Variants in MAP2 observed in about 807,000 individuals in gnomAD.
MAP2 encodes microtubule associated protein 2.
Under a neutral mutation model 137.6 loss-of-function variants are expected in MAP2, and 14 were observed. That is an observed-to-expected ratio of 0.10 (90% CI 0.07 to 0.16). The LOEUF (loss-of-function observed/expected upper bound fraction) is 0.16. MAP2 is among the 10% of genes least tolerant of loss of function. The pLI, the probability that MAP2 is intolerant of heterozygous loss-of-function variation, is 1.00. For synonymous variants in MAP2, 786 were observed against 782.3 expected (o/e 1.00, Z -0.08); for missense variants, 2,088 against 2,191.5 (o/e 0.95, Z 0.94).
chr2:209,683,893 C>T (rs1202376324), intron 7 of MAP2, among the ~76,000 whole-genome samples: 1 of 151,936 alleles, frequency 6.6e-6, no homozygotes, highest in East Asian at 1.9e-4. Flanking sequence ...GCTGTTCTTT[C>T]CCAAAGGGGA....
At chr2:209,558,316 G>C (rs1026834953) in intron 2 of MAP2, among the ~76,000 whole-genome samples, 2 of 152,014 alleles carry the variant, frequency 1.3e-5, no homozygotes. Flanking sequence ...AGCCTCCCAA[G>C]TAGTTGGGAT....
chr2:209,697,844 T>C (rs2060628642), intron 10 of MAP2, among the ~76,000 whole-genome samples: 1 of 152,152 alleles, frequency 6.6e-6, no homozygotes, highest in South Asian at 2.1e-4. Context: ...TTTACTTTGC[T>C]GTCTACTTTT....
At chr2:209,610,863 G>A (rs1367055761) in intron 3 of MAP2, among the ~76,000 whole-genome samples, 2 of 152,140 alleles carry the variant, frequency 1.3e-5, no homozygotes, top group Admixed American at 6.6e-5. Context: ...TGACTTGAGA[G>A]CCATTCCTCT....
At chr2:209,689,691 A>T (rs1048095852) in intron 7 of MAP2, among the ~76,000 whole-genome samples, 1 of 152,044 alleles carries the variant, frequency 6.6e-6, no homozygotes, top group Admixed American at 6.6e-5. Context: ...TTCCTTGGTG[A>T]TTTTGTTTTG....
At position 209,731,908 on chromosome 2, in the gene MAP2, T is replaced by TAC. The variant is rs2075827837; in HGVS notation, c.*1512_*1513insCA. On this transcript the variant is annotated 3_prime_UTR_variant, in exon 16 of 16. Transcript: ENST00000682079. The stretch of plus-strand genomic sequence containing the variant: ...TAACACACTGTGATCTAGTATTATT[T>TAC]ATCAGTAGATAATACTGTTCTGACT... The TAC allele has an allele frequency of 1.3e-5, 2 of 152,200 alleles. No individual in the cohort carries two copies. The highest frequency in any genetic ancestry group is 2.4e-5 in the African/African-American group (1 of 41,442). The allele number at this position is 152,200 out of a possible 1,614,324, so 9.4% of individuals were successfully genotyped here.
chr2:209,524,578 G>A (rs2063753353), intron 2 of MAP2, among the ~76,000 whole-genome samples: 1 of 151,932 alleles, frequency 6.6e-6, no homozygotes, highest in Non-Finnish European at 1.5e-5. Flanking sequence ...TATGTTACCA[G>A]GTAATATATG....
In MAP2 at chr2:209,434,858, A is replaced by ATGT. The variant is rs1348601125; in HGVS notation, c.-222+10583_-222+10584insGTT. Reference sequence around the variant, plus strand: ...CTATATATATATATATGTTATATATATATGTTATATATATGTTATATATAT... The same window carrying ATGT: ...CTATATATATATATATGTTATATATATGTTATGTTATATATATGTTATATATAT... On this transcript the variant is annotated intron_variant, in intron 1 of 15. Transcript: ENST00000682079. Among the ~76,000 whole-genome samples the ATGT allele has an allele frequency of 5.8e-4, 65 of 112,150 alleles. 1 individual carries two copies. The highest frequency in any genetic ancestry group is 2.1e-3 in the African/African-American group (64 of 30,404). The allele number at this position is 112,150 out of a possible 152,430, so 73.6% of individuals were successfully genotyped here. A position where few individuals can be genotyped will look rare whatever the true frequency, so the allele number is the denominator to read the frequency against.
rs181339078 is a variant in MAP2, at chr2:209,576,812, T to A, written c.-171-3224T>A. ...ATCTCAATTGTCGGTTGTCTTGTAT[T>A]CTTAGAATATGACATACCTAAGGGC... On this transcript the variant is annotated intron_variant, in intron 2 of 15. Coordinates refer to ENST00000682079, the MANE Select transcript of MAP2 (RefSeq NM_001375505.1). Among the ~76,000 whole-genome samples, 310 of 152,338 alleles carry A rather than the reference T, an allele frequency of 2.0e-3. 3 individuals carry two copies. Among genetic ancestry groups the A allele is most frequent in the Middle Eastern group, 0.01 (3 of 294 alleles).
At chr2:209,477,231 A>G (rs1707478295) in intron 1 of MAP2, among the ~76,000 whole-genome samples, 1 of 152,190 alleles carries the variant, frequency 6.6e-6, no homozygotes, top group South Asian at 2.1e-4. Context: ...ACAAAAAATT[A>G]ACGATGGAAT....
At chr2:209,684,896 C>G (rs148366782) in intron 7 of MAP2, among the ~76,000 whole-genome samples, 22 of 152,248 alleles carry the variant, frequency 1.4e-4, no homozygotes, top group African/African-American at 5.3e-4. Flanking sequence ...ATATATCTCT[C>G]AACTCCAACT....
intron 13 of MAP2, among the ~76,000 whole-genome samples, chr2:209,714,653 C>A (rs998533391): frequency 2.6e-5 from 4 of 152,152 alleles, no homozygotes; most frequent in African/African-American, 7.2e-5. Flanking sequence ...ATCTTAGTTT[C>A]TATATCTCAG....
At chr2:209,492,474 C>T (rs1341018612) in intron 1 of MAP2, among the ~76,000 whole-genome samples, 20 of 152,130 alleles carry the variant, frequency 1.3e-4, no homozygotes, top group Admixed American at 1.3e-3. Flanking sequence ...AAAGGGTATT[C>T]ACTTAAGAAT....
intron 6 of MAP2, 126 bp from the exon 7 acceptor site, chr2:209,680,624 C>G: frequency 2.6e-6 from 2 of 783,072 alleles, no homozygotes; most frequent in South Asian, 1.7e-5. Context: ...CCAAATGCGG[C>G]TTACTATTGA....
chr2:209,632,262 A>G (rs2093145696), intron 4 of MAP2, among the ~76,000 whole-genome samples: 1 of 152,168 alleles, frequency 6.6e-6, no homozygotes, highest in South Asian at 2.1e-4. Context: ...CTACATATCC[A>G]GTATCTGAAC....
chr2:209,443,122 T>TA (rs1313433214), intron 1 of MAP2, among the ~76,000 whole-genome samples: 1 of 151,574 alleles, frequency 6.6e-6, no homozygotes, highest in Non-Finnish European at 1.5e-5. Context: ...TCTTCAATCT[T>TA]ATTTTCAGCC....
chr2:209,483,638 T>C (rs2365659), intron 1 of MAP2, among the ~76,000 whole-genome samples: 4,036 of 152,344 alleles, frequency 0.026, 189 homozygotes, highest in African/African-American at 0.092. Flanking sequence ...ATTTTGTCGA[T>C]ATAGTCTACC....
rs144793521 is a variant in MAP2, at chr2:209,648,734, A to G, written c.-29-4408A>G. Among the ~76,000 whole-genome samples the G allele has an allele frequency of 7.6e-3, 1,111 of 146,528 alleles. 15 individuals are homozygous for G. Among genetic ancestry groups the G allele is most frequent in the African/African-American group, 0.026 (1,030 of 39,114 alleles). ...ACCTTGGGAGGTAGAGGTTGCAGTG[A>G]GCCGAGATCACACCACTGCACTCTA... On this transcript the variant is annotated intron_variant, in intron 4 of 15. Coordinates refer to ENST00000682079, the MANE Select transcript of MAP2 (RefSeq NM_001375505.1).
chr2:209,700,861 G>A lies in MAP2; in HGVS notation c.4584+523G>A, dbSNP rs372306599. On this transcript the variant is annotated intron_variant, in intron 11 of 15. Coordinates refer to ENST00000682079, the MANE Select transcript of MAP2 (RefSeq NM_001375505.1). ...TTTATAGGCTTAACAACAAAAATGAGAACACTGTGTATCACTTTTTAAATT... is the reference window on the plus strand; with the variant it reads ...TTTATAGGCTTAACAACAAAAATGAAAACACTGTGTATCACTTTTTAAATT... Among the ~76,000 whole-genome samples, 37 of 152,130 alleles carry A rather than the reference G, an allele frequency of 2.4e-4. No individual in the cohort carries two copies. In the South Asian group the frequency reaches 7.7e-3, roughly 32 times the overall value.
At chr2:209,496,563 A>G (rs2059778044) in intron 1 of MAP2, among the ~76,000 whole-genome samples, 1 of 152,050 alleles carries the variant, frequency 6.6e-6, no homozygotes, top group African/African-American at 2.4e-5. Context: ...GTAAAATCAT[A>G]CCCTCCATGA....
Sources: gnomAD v4.1 joint callset for allele counts (sites outside exome capture counted in the v4.1 genomes callset) on GRCh38, gnomAD v4.1.1 for gene constraint, MANE v1.5 for transcripts, NCBI Gene and HGNC (gene_info 2026-07-23, HGNC 2026-07-21) for gene names.